CWF19L2: variants seen among roughly 807,000 people sequenced by gnomAD.
CWF19L2 encodes CWF19-like protein 2.
In CWF19L2, 98 loss-of-function variants were observed where a neutral mutation model predicts 111.7. That is an observed-to-expected ratio of 0.88 (90% CI 0.75 to 1.04). The LOEUF is 1.04. Ranked by LOEUF, CWF19L2 falls within the 50% of genes least tolerant of loss-of-function variation. The probability of loss-of-function intolerance (pLI) is 0.00; values close to 1 mark genes in which losing one functional copy is unlikely to be tolerated. For synonymous variants in CWF19L2, 351 were observed against 342.9 expected, an observed-to-expected ratio of 1.02 and a Z score of -0.26; for missense variants, 1,101 against 1,051.4, an observed-to-expected ratio of 1.05 and a Z score of -0.65.
At chr11:107,410,264 GT>G (rs1861137864) in intron 10 of CWF19L2, among the ~76,000 whole-genome samples, 1 of 151,610 alleles carries the variant, frequency 6.6e-6, no homozygotes, top group South Asian at 2.1e-4. Context: ...AAACAACTTT[GT>G]ATTCCACTCT....
chr11:107,416,079 A>G, intron 10 of CWF19L2, 130 bp downstream of exon 10: 1 of 218,762 alleles, frequency 4.6e-6, no homozygotes, highest in East Asian at 9.8e-5. Context: ...CCTGGGCGAC[A>G]GAGCAAGACA....
intron 12 of CWF19L2, among the ~76,000 whole-genome samples, chr11:107,362,463 G>C (rs979277790): frequency 6.6e-6 from 1 of 152,082 alleles, no homozygotes; most frequent in East Asian, 1.9e-4. Context: ...CTCCCAGCAC[G>C]CAGCTGGAGA....
At position 107,457,694 on chromosome 11, in the gene CWF19L2, G is replaced by C; in HGVS notation, c.105+18C>G. The C allele has an allele frequency of 5.2e-6, 8 of 1,534,050 alleles. No homozygotes were observed. Among genetic ancestry groups the C allele is most frequent in the Non-Finnish European group, 7.1e-6 (8 of 1,131,056 alleles). On this transcript the variant is annotated intron_variant, in intron 1 of 17. Transcript: ENST00000282251. Reference sequence around the variant, plus strand: ...CCCACAACAATAAATAACTACAAAAGCCCCAAAACAGAGGTACCTGGCGCA... The same window carrying C: ...CCCACAACAATAAATAACTACAAAACCCCCAAAACAGAGGTACCTGGCGCA...
intron 4 of CWF19L2, among the ~76,000 whole-genome samples, chr11:107,442,617 G>A (rs934844563): frequency 2.0e-5 from 3 of 151,542 alleles, no homozygotes; most frequent in Middle Eastern, 3.4e-3. Flanking sequence ...TTGGGAGGTC[G>A]AGGGTGCAGA....
chr11:107,355,535 G>C (rs1183968832), intron 12 of CWF19L2, among the ~76,000 whole-genome samples: 4 of 152,076 alleles, frequency 2.6e-5, no homozygotes, highest in African/African-American at 9.7e-5. Flanking sequence ...ATGATTTGAA[G>C]ATGGAGCAGT....
intron 3 of CWF19L2, among the ~76,000 whole-genome samples, chr11:107,451,474 A>G (rs1019953082): frequency 1.3e-5 from 2 of 151,180 alleles, no homozygotes; most frequent in Non-Finnish European, 2.9e-5. Flanking sequence ...AATAGAAAAC[A>G]CACAACCAGA....
At chr11:107,355,746 T>A (rs1860228535) in intron 12 of CWF19L2, among the ~76,000 whole-genome samples, 1 of 152,164 alleles carries the variant, frequency 6.6e-6, no homozygotes, top group Non-Finnish European at 1.5e-5. Context: ...AACAAAAAAC[T>A]TGATAGAACT....
chr11:107,442,074 G>A (rs1861625920), intron 4 of CWF19L2, among the ~76,000 whole-genome samples: 1 of 152,134 alleles, frequency 6.6e-6, no homozygotes, highest in Non-Finnish European at 1.5e-5. Flanking sequence ...AAAAAAAACT[G>A]TGATGGAACT....
chr11:107,402,285 TA>T (rs745619223), intron 10 of CWF19L2, among the ~76,000 whole-genome samples: 7 of 151,082 alleles, frequency 4.6e-5, no homozygotes, highest in Admixed American at 2.0e-4. Flanking sequence ...GTCAGCAAAG[TA>T]AACAGACAAT....
In CWF19L2 at chr11:107,429,277, C is replaced by CA; in HGVS notation, c.954dup (p.Ala319CysfsTer9). 6.2e-7 allele frequency: 1 copy of CA among 1,613,140 alleles called. No homozygotes were observed. The highest frequency in any genetic ancestry group is 2.2e-5 in the East Asian group (1 of 44,862). Reference sequence around the variant, plus strand: ...CTATTTTTTGCAGTATCTGTTGTAGCATATCTATCCCTTGAACTGTTACCA... The same window carrying CA: ...CTATTTTTTGCAGTATCTGTTGTAGCAATATCTATCCCTTGAACTGTTACCA... On this transcript the variant is annotated frameshift_variant, in exon 8 of 18. Transcript: ENST00000282251. LOFTEE classifies it high-confidence loss of function.
intron 8 of CWF19L2, among the ~76,000 whole-genome samples, chr11:107,423,630 T>C (rs1036743709): frequency 3.3e-5 from 5 of 151,952 alleles, no homozygotes; most frequent in African/African-American, 1.2e-4. Context: ...CAAAGAAAGG[T>C]TCTTTAGGAT....
intron 10 of CWF19L2, among the ~76,000 whole-genome samples, chr11:107,412,058 C>T (rs1174741737): frequency 6.6e-6 from 1 of 152,010 alleles, no homozygotes; most frequent in Non-Finnish European, 1.5e-5. Flanking sequence ...ATTTTTCTTA[C>T]AAAGACAATT....
chr11:107,349,182 G>A (rs1358011155), intron 13 of CWF19L2, 129 bp from the exon 14 acceptor site: 4 of 398,222 alleles, frequency 1.0e-5, no homozygotes, highest in Non-Finnish European at 1.8e-5. Context: ...AATATTTAAT[G>A]AAGAATACTT....
In CWF19L2 at chr11:107,334,903, G is replaced by A; in HGVS notation, c.2417C>T (p.Ser806Phe). Reference protein sequence around the residue: ...WSMNKKLIDLSSKDIRKSVPR... With the variant: ...WSMNKKLIDLFSKDIRKSVPR... ...TACAGACTTTCTGATATCTTTTGAAGAGAGATCTATCAACTTCTTGTTCAT... is the reference window on the plus strand; with the variant it reads ...TACAGACTTTCTGATATCTTTTGAAAAGAGATCTATCAACTTCTTGTTCAT... The change falls in exon 16 of 18, where the codon TCT (serine) becomes TTT (phenylalanine). Residue 806 changes from serine to phenylalanine, a missense_variant. By Grantham distance (155) the Ser-to-Phe change is radical (BLOSUM62 -2). Transcript: ENST00000282251. 6.2e-7 allele frequency: 1 copy of A among 1,602,314 alleles called. No individual in the cohort carries two copies. The highest frequency in any genetic ancestry group is 8.5e-7 in the Non-Finnish European group (1 of 1,169,928).
chr11:107,426,601 T>C (rs182543756), intron 8 of CWF19L2, among the ~76,000 whole-genome samples: 1 of 151,956 alleles, frequency 6.6e-6, no homozygotes, highest in East Asian at 1.9e-4. Context: ...TATTAGGTTA[T>C]GCCTAAGTTT....
At chr11:107,434,140 T>C (rs759332961) in intron 6 of CWF19L2, among the ~76,000 whole-genome samples, 32 of 151,018 alleles carry the variant, frequency 2.1e-4, no homozygotes, top group Non-Finnish European at 4.1e-4. Flanking sequence ...ATGAGTTGGG[T>C]TTCTATTTCA....
intron 13 of CWF19L2, among the ~76,000 whole-genome samples, chr11:107,351,821 T>C (rs1860160013): frequency 6.6e-6 from 1 of 152,190 alleles, no homozygotes; most frequent in African/African-American, 2.4e-5. Context: ...CCTTGTGTAC[T>C]TCTGCTAATT....
chr11:107,437,461 G>A (rs1206345644), intron 6 of CWF19L2, among the ~76,000 whole-genome samples: 4 of 151,910 alleles, frequency 2.6e-5, no homozygotes, highest in South Asian at 4.2e-4. Flanking sequence ...CCCTACCATC[G>A]GTCTAAATAG....
Position 107,439,106 on chromosome 11 carries a change from C to A in CWF19L2, c.648G>T (p.Val216=). ...GTGLPPEDCS[V]SSITKVSVVE... is the part of the protein sequence containing the mutation. Reference sequence around the variant, plus strand: ...TAGAAATACCTTTAGTAATCGATGACACACTACAGTCTTCAGGTGGAAGAC... The same window carrying A: ...TAGAAATACCTTTAGTAATCGATGAAACACTACAGTCTTCAGGTGGAAGAC... Residue 216 remains valine (V), a synonymous_variant, in exon 6 of 18, where the codon GTG becomes GTT. Coordinates refer to ENST00000282251, the MANE Select transcript of CWF19L2 (RefSeq NM_152434.3). 6.7e-7 allele frequency: 1 copy of A among 1,501,482 alleles called. No homozygotes were observed. 93.0% of individuals were successfully genotyped at this position (1,501,482 alleles called of 1,614,324 possible). A position where few individuals can be genotyped will look rare whatever the true frequency, so the allele number is the denominator to read the frequency against.
Sources: allele counts gnomAD v4.1 joint callset (sites outside exome capture counted in the v4.1 genomes callset), GRCh38; gene constraint gnomAD v4.1.1; transcripts MANE v1.5; gene names NCBI Gene and HGNC (gene_info 2026-07-23, HGNC 2026-07-21).